PDE10A: variants seen among roughly 807,000 people sequenced by gnomAD.
PDE10A encodes the protein phosphodiesterase 10A.
PDE10A carries 39 observed loss-of-function variants against 97.7 expected under a neutral mutation model. The ratio of observed to expected loss-of-function variants is 0.40; its 90% CI spans 0.31 to 0.52. The LOEUF is 0.52. Among genes scored for constraint, PDE10A ranks in the 20% least tolerant of loss-of-function variants. The pLI, the probability that PDE10A is intolerant of heterozygous loss-of-function variation, is 0.56. For missense variants in PDE10A, 731 were observed against 1,047.8 expected, an observed-to-expected ratio of 0.70 and a Z score of 4.17; for synonymous variants, 371 against 376.8, an observed-to-expected ratio of 0.98 and a Z score of 0.18.
In PDE10A at chr6:165,951,550, C is replaced by T. The variant is rs533622041; in HGVS notation, c.-615+35979G>A. On this transcript the variant is annotated intron_variant, in intron 1 of 19. Coordinates refer to the PDE10A transcript ENST00000366882. Reference sequence around the variant, plus strand: ...GCAGAGCGACATCCAGCTTCTTCTGCACCACTCACGACGTAGGGTGAACTT... The same window carrying T: ...GCAGAGCGACATCCAGCTTCTTCTGTACCACTCACGACGTAGGGTGAACTT... 2.0e-5 allele frequency among the ~76,000 whole-genome samples: 3 copies of T among 152,250 alleles called. 1 individual carries two copies. In the East Asian group the frequency reaches 5.8e-4, roughly 30 times the overall value.
At chr6:165,600,234 G>C (rs999143141) in intron 1 of PDE10A, among the ~76,000 whole-genome samples, 5 of 152,190 alleles carry the variant, frequency 3.3e-5, no homozygotes. Flanking sequence ...CTGCATGCTG[G>C]GGACACACTG....
At position 165,800,698 on chromosome 6, in the gene PDE10A, A is replaced by G. The variant is rs567013514; in HGVS notation, c.-615+186831T>C. ...TTCAGCGAAGTGAAGCACCTCGTCC[A>G]TGGACAAACCATCAATCGATGGGCA... On this transcript the variant is annotated intron_variant, in intron 1 of 19. Coordinates refer to the PDE10A transcript ENST00000366882. 5.3e-5 allele frequency among the ~76,000 whole-genome samples: 8 copies of G among 152,372 alleles called. No homozygotes were observed. In the South Asian group the frequency reaches 1.4e-3, roughly 28 times the overall value.
At chr6:165,907,202 G>T (rs943651295) in intron 1 of PDE10A, among the ~76,000 whole-genome samples, 1 of 152,218 alleles carries the variant, frequency 6.6e-6, no homozygotes, top group Non-Finnish European at 1.5e-5. Context: ...AGGCTCCATC[G>T]CCCAGAGTCC....
intron 1 of PDE10A, among the ~76,000 whole-genome samples, chr6:165,615,930 G>A (rs1787707404): frequency 6.6e-6 from 1 of 152,058 alleles, no homozygotes; most frequent in Admixed American, 6.5e-5. Context: ...CAAAACGGAG[G>A]GAAATAAAGC....
intron 1 of PDE10A, among the ~76,000 whole-genome samples, chr6:165,849,035 G>A (rs6922489): frequency 0.56 from 85,266 of 152,096 alleles, 24,176 homozygotes; most frequent in Admixed American, 0.66. Context: ...AAATACCACC[G>A]CCTTTATCCA....
At position 165,442,473 on chromosome 6, in the gene PDE10A, G is replaced by A. The variant is rs1042810382; in HGVS notation, c.1194+6455C>T. Among the ~76,000 whole-genome samples the A allele has an allele frequency of 3.7e-4, 57 of 152,240 alleles. 1 individual carries two copies. Among genetic ancestry groups the A allele is most frequent in the Admixed American group, 1.7e-3 (26 of 15,284 alleles). ...GCCTCAGGAAACTTATAATCACAGC[G>A]GAAGGGAAACGGGAAGCAAGGAACT... On this transcript the variant is annotated intron_variant, in intron 5 of 21. Transcript: ENST00000539869.
chr6:165,928,662 G>C (rs1182260091), intron 1 of PDE10A, among the ~76,000 whole-genome samples: 1 of 152,164 alleles, frequency 6.6e-6, no homozygotes, highest in East Asian at 1.9e-4. Flanking sequence ...TTTGAAACCT[G>C]GTGGTGCCAA....
intron 1 of PDE10A, among the ~76,000 whole-genome samples, chr6:165,925,697 T>C (rs1332794055): frequency 2.0e-5 from 3 of 152,160 alleles, no homozygotes; most frequent in Non-Finnish European, 4.4e-5. Context: ...AAAAAACAGA[T>C]TAGTGGTTGT....
At chr6:165,471,580 C>T (rs1219672819) in intron 3 of PDE10A, among the ~76,000 whole-genome samples, 1 of 152,140 alleles carries the variant, frequency 6.6e-6, no homozygotes, top group East Asian at 1.9e-4. Context: ...CCTGACCTGT[C>T]CATCCTGCAG....
At chr6:165,768,787 A>G (rs1777931185) in intron 1 of PDE10A, among the ~76,000 whole-genome samples, 1 of 152,158 alleles carries the variant, frequency 6.6e-6, no homozygotes, top group Admixed American at 6.5e-5. Context: ...CACTGCCCCT[A>G]AATTTGAGTC....
In PDE10A at chr6:165,586,589, C is replaced by T. The variant is rs545272632; in HGVS notation, c.866-43021G>A. On this transcript the variant is annotated intron_variant, in intron 1 of 21. Transcript: ENST00000539869. The stretch of plus-strand genomic sequence containing the variant: ...CTCTAATTAAAAATGTTAATAATAT[C>T]CACAAGGGCCAAATGATAGTTTACA... Among the ~76,000 whole-genome samples, 81 of 152,204 alleles carry T rather than the reference C, an allele frequency of 5.3e-4. No individual in the cohort carries two copies. In the South Asian group the frequency reaches 9.6e-3, roughly 18 times the overall value.
chr6:165,782,750 C>T (rs190915214), intron 1 of PDE10A, among the ~76,000 whole-genome samples: 10 of 152,330 alleles, frequency 6.6e-5, no homozygotes, highest in East Asian at 3.9e-4. Flanking sequence ...TACCCAGGGA[C>T]GTACTTACCC....
At chr6:165,565,434 T>A (rs1266367138) in intron 1 of PDE10A, among the ~76,000 whole-genome samples, 2 of 152,106 alleles carry the variant, frequency 1.3e-5, no homozygotes, top group Non-Finnish European at 2.9e-5. Context: ...AAAACTCTGA[T>A]GAAAAAAACT....
chr6:165,642,663 T>C (rs1424774265), intron 1 of PDE10A, among the ~76,000 whole-genome samples: 1 of 152,194 alleles, frequency 6.6e-6, no homozygotes, highest in Non-Finnish European at 1.5e-5. Flanking sequence ...TTGTAGTCCT[T>C]ATGCCTGTTG....
intron 1 of PDE10A, among the ~76,000 whole-genome samples, chr6:165,589,931 A>G (rs937257701): frequency 6.6e-6 from 1 of 152,230 alleles, no homozygotes; most frequent in African/African-American, 2.4e-5. Flanking sequence ...TTTAAAGAAA[A>G]TGTAAATCAT....
intron 1 of PDE10A, among the ~76,000 whole-genome samples, chr6:165,697,708 G>T (rs953852941): frequency 1.3e-5 from 2 of 152,200 alleles, no homozygotes; most frequent in African/African-American, 4.8e-5. Flanking sequence ...CAGGGACTGG[G>T]TAGATGGGGC....
chr6:165,712,179 G>T (rs559794797), intron 1 of PDE10A, among the ~76,000 whole-genome samples: 35 of 152,286 alleles, frequency 2.3e-4, no homozygotes, highest in African/African-American at 6.0e-4. Flanking sequence ...CCAGCACTGG[G>T]AGCTGTGCCT....
chr6:165,685,246 A>T (rs1295011042), intron 1 of PDE10A, among the ~76,000 whole-genome samples: 1 of 152,142 alleles, frequency 6.6e-6, no homozygotes, highest in East Asian at 1.9e-4. Flanking sequence ...CAACTGACTC[A>T]TGGGTGCCTA....
At chr6:165,574,603 T>C (rs1429244215) in intron 1 of PDE10A, among the ~76,000 whole-genome samples, 1 of 152,226 alleles carries the variant, frequency 6.6e-6, no homozygotes, top group Non-Finnish European at 1.5e-5. Flanking sequence ...CACTTGCTAC[T>C]TGAAAACTAA....
Sources: allele counts gnomAD v4.1 joint callset (sites outside exome capture counted in the v4.1 genomes callset), GRCh38; gene constraint gnomAD v4.1.1; transcripts MANE v1.5; gene names NCBI Gene and HGNC (gene_info 2026-07-23, HGNC 2026-07-21).